SH3D19: variants seen among roughly 807,000 people sequenced by gnomAD.
SH3D19 encodes SH3 domain containing 19.
Under a neutral mutation model 112.1 loss-of-function variants are expected in SH3D19, and 58 were observed. The ratio of observed to expected loss-of-function variants is 0.52; its 90% CI spans 0.42 to 0.64. The LOEUF (loss-of-function observed/expected upper bound fraction) is 0.64. SH3D19 is among the 30% of genes least tolerant of loss of function. SH3D19 has a pLI of 0.00. For missense variants in SH3D19, 1,090 were observed against 1,263.4 expected (o/e 0.86, Z 2.08); for synonymous variants, 391 against 448.5 (o/e 0.87, Z 1.62).
At chr4:151,134,374 A>G (rs1751378182) in intron 15 of SH3D19, among the ~76,000 whole-genome samples, 2 of 152,212 alleles carry the variant, frequency 1.3e-5, no homozygotes, top group South Asian at 2.1e-4. Flanking sequence ...ATGACACATA[A>G]AAGGGTATAT....
chr4:151,305,746 C>T (rs1728851553), intron 1 of SH3D19, among the ~76,000 whole-genome samples: 2 of 152,176 alleles, frequency 1.3e-5, no homozygotes, highest in African/African-American at 4.8e-5. Flanking sequence ...AACAGGATAG[C>T]CACTCTGGAA....
chr4:151,306,734 C>G lies in SH3D19; in HGVS notation c.112+18507G>C, dbSNP rs114516472. Among the ~76,000 whole-genome samples the G allele has an allele frequency of 4.2e-3, 643 of 152,318 alleles. 4 individuals carry two copies. Among genetic ancestry groups the G allele is most frequent in the African/African-American group, 0.013 (561 of 41,564 alleles). On this transcript the variant is annotated intron_variant, in intron 1 of 19. Transcript: ENST00000604030. ...TAAGTACTCATCATTAAATTTAACA[C>G]TAATAGCAAACGCGCTGTAATTAAG... is the stretch of plus-strand genomic sequence containing the variant.
intron 1 of SH3D19, among the ~76,000 whole-genome samples, chr4:151,264,303 C>T (rs372260848): frequency 2.0e-5 from 3 of 151,496 alleles, no homozygotes; most frequent in South Asian, 2.1e-4. Flanking sequence ...TGGTGGTGGG[C>T]GCCTGTAATC....
intron 2 of SH3D19, among the ~76,000 whole-genome samples, chr4:151,198,368 A>G (rs1049842293): frequency 8.4e-5 from 7 of 83,378 alleles, no homozygotes; most frequent in Non-Finnish European, 1.7e-4. Flanking sequence ...AAATTATATT[A>G]TATAAAAATT....
At chr4:151,150,322 C>CAT (rs368581545) in intron 9 of SH3D19, among the ~76,000 whole-genome samples, 1,739 of 123,730 alleles carry the variant, frequency 0.014, 26 homozygotes, top group African/African-American at 0.043. Context: ...TATATATATA[C>CAT]ATATATATAT....
intron 1 of SH3D19, among the ~76,000 whole-genome samples, chr4:151,272,287 A>C (rs35245353): frequency 0.35 from 52,645 of 152,026 alleles, 10,293 homozygotes; most frequent in Non-Finnish European, 0.46. Flanking sequence ...TGGGAAAATA[A>C]AAGCCTTAGG....
At chr4:151,141,136 T>C (rs1752902978) in intron 12 of SH3D19, 1 of 152,186 alleles carries the variant, frequency 6.6e-6, no homozygotes. Context: ...CATGGCTTTT[T>C]TTTCTTTGAC....
At chr4:151,213,139 C>T (rs1018389701) in intron 2 of SH3D19, among the ~76,000 whole-genome samples, 9 of 152,152 alleles carry the variant, frequency 5.9e-5, no homozygotes, top group Non-Finnish European at 1.3e-4. Flanking sequence ...AGAATTTACT[C>T]CTGGTGAAGA....
At chr4:151,291,138 G>C (rs906758004) in intron 1 of SH3D19, 2 of 1,612,730 alleles carry the variant, frequency 1.2e-6, no homozygotes, top group East Asian at 2.2e-5. Context: ...GAGGGCCTCT[G>C]TCGTGTCACA....
At chr4:151,178,399 C>T (rs779932911) in intron 4 of SH3D19, among the ~76,000 whole-genome samples, 12 of 152,220 alleles carry the variant, frequency 7.9e-5, no homozygotes, top group Non-Finnish European at 1.8e-4. Context: ...TTATGCATTA[C>T]ACACATACTC....
At chr4:151,167,808 G>A (rs1366839177) in intron 7 of SH3D19, among the ~76,000 whole-genome samples, 2 of 151,146 alleles carry the variant, frequency 1.3e-5, no homozygotes, top group African/African-American at 4.9e-5. Context: ...CCTGGCTGCC[G>A]CCCCATCTGG....
intron 1 of SH3D19, among the ~76,000 whole-genome samples, chr4:151,311,341 A>G (rs1729442601): frequency 6.6e-6 from 1 of 151,942 alleles, no homozygotes; most frequent in Non-Finnish European, 1.5e-5. Flanking sequence ...GGATGCAGTG[A>G]GCCATGATCA....
intron 12 of SH3D19, 26 bp from the exon 13 acceptor site, chr4:151,139,873 T>G: frequency 6.2e-7 from 1 of 1,611,214 alleles, no homozygotes; most frequent in Non-Finnish European, 8.5e-7. Flanking sequence ...GGGCTGTGAA[T>G]GAAGTGTGCA....
chr4:151,137,695 G>A (rs1752147121), intron 14 of SH3D19, 37 bp downstream of exon 14: 3 of 1,545,684 alleles, frequency 1.9e-6, no homozygotes, highest in Non-Finnish European at 2.6e-6. Context: ...AACCCACTGA[G>A]TATATGACCA....
chr4:151,160,371 G>A (rs1179959245), intron 8 of SH3D19, among the ~76,000 whole-genome samples: 1 of 152,238 alleles, frequency 6.6e-6, no homozygotes, highest in Non-Finnish European at 1.5e-5. Flanking sequence ...ACAGGCGTAA[G>A]CCACTGCATC....
intron 1 of SH3D19, among the ~76,000 whole-genome samples, chr4:151,310,784 C>G (rs1047348589): frequency 2.0e-5 from 3 of 151,554 alleles, no homozygotes; most frequent in African/African-American, 4.8e-5. Flanking sequence ...GTTGACCAGG[C>G]TGGTCTCGAA....
chr4:151,187,341 A>G, intron 3 of SH3D19, 82 bp downstream of exon 3: 1 of 879,152 alleles, frequency 1.1e-6, no homozygotes, highest in Non-Finnish European at 1.5e-6. Flanking sequence ...AGATTCGTCA[A>G]ATACAATCAC....
rs368335325 is a variant in SH3D19, at chr4:151,231,169, A to G, written c.113-5083T>C. On this transcript the variant is annotated intron_variant, in intron 1 of 19. Transcript: ENST00000604030. ...AAATAAAACAATGAACTCATCCATT[A>G]TAAGACATAAGATATCCAGTGTTCA... Among the ~76,000 whole-genome samples, 3 of 152,344 alleles carry G rather than the reference A, an allele frequency of 2.0e-5. No individual in the cohort carries two copies. The East Asian group carries it at 5.8e-4, about 29-fold the overall frequency.
intron 19 of SH3D19, among the ~76,000 whole-genome samples, chr4:151,125,467 G>GAAACAAAACA (rs140748469): frequency 1.1e-4 from 12 of 106,884 alleles, no homozygotes; most frequent in African/African-American, 4.7e-4. Context: ...CCCTGTCTCA[G>GAAACAAAACA]AAACAAAACA....
Sources: gnomAD v4.1 joint callset for allele counts (sites outside exome capture counted in the v4.1 genomes callset) on GRCh38, gnomAD v4.1.1 for gene constraint, MANE v1.5 for transcripts, NCBI Gene and HGNC (gene_info 2026-07-23, HGNC 2026-07-21) for gene names.